Variants in TMEM217 observed in about 807,000 individuals in gnomAD.
TMEM217 encodes the protein transmembrane protein 217.
For synonymous variants in TMEM217, 76 were observed against 88.3 expected (o/e 0.86, Z 0.78); for missense variants, 204 against 248.8 (o/e 0.82, Z 1.21).
Position 37,257,780 on chromosome 6 carries a change from G to C in TMEM217, c.-224C>G, listed in dbSNP as rs553290723. On this transcript the variant is annotated 5_prime_UTR_variant, in exon 1 of 2. The change creates a new upstream start codon in the 5' untranslated region. Coordinates refer to ENST00000357219, the Ensembl canonical transcript of TMEM217. Reference sequence around the variant, plus strand: ...TGGGTGGAGGGGTGCCCACATCCAAGATGGCGTCCCCAGGAGCTGGGAGCG... The same window carrying C: ...TGGGTGGAGGGGTGCCCACATCCAACATGGCGTCCCCAGGAGCTGGGAGCG... 13 of 932,404 alleles carry C rather than the reference G, an allele frequency of 1.4e-5. No homozygotes were observed. The African/African-American group carries it at 2.2e-4, about 15-fold the overall frequency. The allele number at this position is 932,404 out of a possible 1,614,324, so 57.8% of individuals were successfully genotyped here.
At chr6:37,223,974 G>C (rs1583442395) in intron 1 of TMEM217, among the ~76,000 whole-genome samples, 1 of 144,564 alleles carries the variant, frequency 6.9e-6, no homozygotes, top group Non-Finnish European at 1.5e-5. Flanking sequence ...ATCTCACTCT[G>C]TCACCAGGCT....
chr6:37,212,792 T>G (rs1436773469), downstream of TMEM217: 2 of 735,102 alleles, frequency 2.7e-6, no homozygotes, highest in Non-Finnish European at 4.9e-6. Flanking sequence ...AGGCCAGTGC[T>G]GATATTAGCC....
chr6:37,212,378 A>ACCATT (rs1456193965), exon 4 of TMEM217: 6 of 379,314 alleles, frequency 1.6e-5, no homozygotes, highest in Admixed American at 1.3e-4. Flanking sequence ...GTTGAGGAAC[A>ACCATT]CCATTCCCTC....
At chr6:37,214,175 A>C (rs777058366), downstream of TMEM217, among the ~76,000 whole-genome samples, 4 of 152,232 alleles carry the variant, frequency 2.6e-5, no homozygotes, top group Non-Finnish European at 4.4e-5. Context: ...GACATTAAGT[A>C]CATTCACGTT....
chr6:37,215,080 C>T, downstream of TMEM217: 4 of 1,360,842 alleles, frequency 2.9e-6, no homozygotes, highest in Non-Finnish European at 4.0e-6. Flanking sequence ...AGCTCTGCTG[C>T]CCCAGCCTTG....
chr6:37,247,926 C>T (rs1765186398), intron 1 of TMEM217, among the ~76,000 whole-genome samples: 1 of 152,090 alleles, frequency 6.6e-6, no homozygotes, highest in African/African-American at 2.4e-5. Context: ...GGGGGAAGAG[C>T]CTTCAGGCAC....
At chr6:37,243,322 T>C (rs777339642) in intron 1 of TMEM217, among the ~76,000 whole-genome samples, 4 of 152,218 alleles carry the variant, frequency 2.6e-5, no homozygotes, top group African/African-American at 4.8e-5. Context: ...CAGCTGAGTG[T>C]GGTCATGTGA....
intron 1 of TMEM217, among the ~76,000 whole-genome samples, chr6:37,236,278 G>A (rs1302596812): frequency 2.0e-5 from 3 of 152,134 alleles, no homozygotes; most frequent in Admixed American, 1.3e-4. Context: ...ATGAGCCACT[G>A]TGCCTGGCCA....
exon 1 of TMEM217, chr6:37,257,873 G>A (rs1765857418): frequency 1.2e-6 from 2 of 1,602,758 alleles, no homozygotes; most frequent in Non-Finnish European, 8.5e-7. Flanking sequence ...CATCTCGCCG[G>A]GCAAACCCTT....
At chr6:37,222,268 G>C (rs922396878) in intron 1 of TMEM217, among the ~76,000 whole-genome samples, 21 of 152,320 alleles carry the variant, frequency 1.4e-4, no homozygotes, top group Middle Eastern at 3.4e-3. Flanking sequence ...CCTTACTGAG[G>C]ACCCGCCCCC....
At chr6:37,227,286 G>C (rs1195407552) in intron 1 of TMEM217, among the ~76,000 whole-genome samples, 1 of 152,122 alleles carries the variant, frequency 6.6e-6, no homozygotes, top group Non-Finnish European at 1.5e-5. Flanking sequence ...TCTCTCATCT[G>C]AGTCATCTTC....
chr6:37,255,258 T>C (rs1765653305), intron 1 of TMEM217, among the ~76,000 whole-genome samples: 1 of 152,122 alleles, frequency 6.6e-6, no homozygotes, highest in Non-Finnish European at 1.5e-5. Flanking sequence ...CATAATGAGA[T>C]GAGACTGGAG....
At chr6:37,226,001 T>C (rs1763801050) in intron 1 of TMEM217, among the ~76,000 whole-genome samples, 1 of 152,204 alleles carries the variant, frequency 6.6e-6, no homozygotes, top group African/African-American at 2.4e-5. Flanking sequence ...CATTGTCTTT[T>C]GGGGTTTCTT....
At chr6:37,228,312 T>C (rs1763960573) in intron 1 of TMEM217, among the ~76,000 whole-genome samples, 1 of 152,260 alleles carries the variant, frequency 6.6e-6, no homozygotes, top group East Asian at 1.9e-4. Context: ...TGCCTGAAAG[T>C]ATTTGAATTC....
At chr6:37,214,971 T>C (rs1763105257), downstream of TMEM217, among the ~76,000 whole-genome samples, 2 of 152,190 alleles carry the variant, frequency 1.3e-5, no homozygotes, top group Admixed American at 1.3e-4. Flanking sequence ...ACCTGAATTG[T>C]CTAAAAATAA....
intron 1 of TMEM217, among the ~76,000 whole-genome samples, chr6:37,245,324 C>CA (rs1764997174): frequency 6.6e-6 from 1 of 152,262 alleles, no homozygotes; most frequent in Non-Finnish European, 1.5e-5. Context: ...AGAGGCTCAG[C>CA]ACCAGATCCT....
At chr6:37,220,184 C>T (rs1763427715) in intron 1 of TMEM217, among the ~76,000 whole-genome samples, 2 of 151,956 alleles carry the variant, frequency 1.3e-5, no homozygotes, top group South Asian at 4.2e-4. Flanking sequence ...TGACATGTTG[C>T]CAAAAAGCAA....
chr6:37,229,436 G>A (rs762303145), intron 1 of TMEM217, among the ~76,000 whole-genome samples: 6 of 132,314 alleles, frequency 4.5e-5, no homozygotes, highest in South Asian at 2.6e-4. Flanking sequence ...TCCGCCTCCC[G>A]GGTTCACTCT....
downstream of TMEM217, among the ~76,000 whole-genome samples, chr6:37,217,243 G>A (rs781327586): frequency 3.0e-4 from 45 of 152,190 alleles, no homozygotes; most frequent in African/African-American, 9.4e-4. Context: ...GCAGTGAGCC[G>A]AGGTCGCACC....
Sources: gnomAD v4.1 joint callset for allele counts (sites outside exome capture counted in the v4.1 genomes callset) on GRCh38, gnomAD v4.1.1 for gene constraint, MANE v1.5 for transcripts, NCBI Gene and HGNC (gene_info 2026-07-23, HGNC 2026-07-21) for gene names.